The following NCOA3 variants were observed in gnomAD, a reference collection of about 807,000 sequenced individuals.
NCOA3 encodes CBP-interacting protein.
Under a neutral mutation model 158.8 loss-of-function variants are expected in NCOA3, and 51 were observed. That is an observed-to-expected ratio of 0.32 (90% CI 0.26 to 0.41). The LOEUF (loss-of-function observed/expected upper bound fraction) is 0.41. NCOA3 is among the 10% of genes least tolerant of loss of function. NCOA3 has a pLI of 1.00. For missense variants in NCOA3, 1,510 were observed against 1,746.6 expected (o/e 0.86, Z 2.41); for synonymous variants, 537 against 592.4 (o/e 0.91, Z 1.36).
intron 2 of NCOA3, among the ~76,000 whole-genome samples, chr20:47,588,847 C>G (rs994772114): frequency 6.6e-6 from 1 of 152,158 alleles, no homozygotes; most frequent in African/African-American, 2.4e-5. Flanking sequence ...CTTTCCCATT[C>G]ATTTATTTTA....
chr20:47,528,969 G>A (rs2425944), intron 1 of NCOA3, among the ~76,000 whole-genome samples: 2 of 151,972 alleles, frequency 1.3e-5, no homozygotes, highest in South Asian at 2.1e-4. Context: ...GTTTCTCCAC[G>A]TTGGTCAGGC....
At chr20:47,565,712 A>C (rs2085182248) in intron 1 of NCOA3, among the ~76,000 whole-genome samples, 1 of 152,056 alleles carries the variant, frequency 6.6e-6, no homozygotes, top group Non-Finnish European at 1.5e-5. Context: ...ACAGACTGAA[A>C]CCCTGTTCCA....
In NCOA3 at chr20:47,559,739, C is replaced by T. The variant is rs543352014; in HGVS notation, c.-98-23444C>T. ...CTACTAAAAATACAAAAAAATTAGC[C>T]TCCCAGGTTCCAGTGATTCTCCTGC... On this transcript the variant is annotated intron_variant, in intron 1 of 22. Coordinates refer to ENST00000371998, the MANE Select transcript of NCOA3 (RefSeq NM_181659.3). Among the ~76,000 whole-genome samples the T allele has an allele frequency of 3.9e-5, 6 of 152,192 alleles. No homozygotes were observed. The East Asian group carries it at 1.2e-3, about 30-fold the overall frequency.
intron 18 of NCOA3, among the ~76,000 whole-genome samples, chr20:47,647,918 TG>T (rs33930091): frequency 0.075 from 8,370 of 112,040 alleles, 884 homozygotes; most frequent in African/African-American, 0.25. Flanking sequence ...TGTTTTGTTT[TG>T]TTTTTTTTTT....
At chr20:47,603,747 A>G (rs924335968) in intron 2 of NCOA3, among the ~76,000 whole-genome samples, 6 of 151,744 alleles carry the variant, frequency 4.0e-5, no homozygotes, top group African/African-American at 1.5e-4. Context: ...CCTCAGCCGA[A>G]CTCCTCTTGG....
intron 1 of NCOA3, among the ~76,000 whole-genome samples, chr20:47,549,935 G>A (rs529414086): frequency 6.6e-6 from 1 of 152,110 alleles, no homozygotes; most frequent in East Asian, 1.9e-4. Context: ...AAACTCCTGA[G>A]CTCAAGCAGT....
chr20:47,526,267 A>G (rs912368888), intron 1 of NCOA3, among the ~76,000 whole-genome samples: 16 of 150,306 alleles, frequency 1.1e-4, no homozygotes, highest in African/African-American at 3.9e-4. Flanking sequence ...GACGCTCCTC[A>G]CTTTCCAGAC....
chr20:47,651,962 G>A (rs560834011), intron 20 of NCOA3, among the ~76,000 whole-genome samples: 1 of 152,060 alleles, frequency 6.6e-6, no homozygotes, highest in South Asian at 2.1e-4. Context: ...CACCGTGCCC[G>A]GCCCTGGATT....
rs2086343168 is a variant in NCOA3, at chr20:47,627,550, G to C, written c.533-11G>C. 6.3e-7 allele frequency: 1 copy of C among 1,585,450 alleles called. No homozygotes were observed. Among genetic ancestry groups the C allele is most frequent in the Non-Finnish European group, 8.6e-7 (1 of 1,167,180 alleles). ...GCTTTTTAAAATGTCATTTCAATTT[G>C]TTTTCCAAAGTTAATGGAGTTTCCT... On this transcript the variant is annotated splice_polypyrimidine_tract_variant and intron_variant, in intron 6 of 22. Coordinates refer to ENST00000371998, the MANE Select transcript of NCOA3 (RefSeq NM_181659.3).
intron 2 of NCOA3, among the ~76,000 whole-genome samples, chr20:47,597,498 T>G (rs1460657656): frequency 2.0e-5 from 3 of 149,864 alleles, no homozygotes; most frequent in Non-Finnish European, 3.0e-5. Context: ...TTTTTTTTTT[T>G]GGGAGGGGGA....
chr20:47,588,879 T>C (rs1237855815), intron 2 of NCOA3, among the ~76,000 whole-genome samples: 3 of 152,166 alleles, frequency 2.0e-5, no homozygotes, highest in African/African-American at 4.8e-5. Context: ...ATTTACAGAA[T>C]ATAAAATACA....
In NCOA3 at chr20:47,647,320, C is replaced by T. The variant is rs370656650; in HGVS notation, c.3500C>T (p.Pro1167Leu). The change falls in exon 18 of 23, where the codon CCC becomes CTC. Residue 1167 changes from proline to leucine, a missense_variant. Physicochemically the swap from Pro to Leu is moderately conservative, Grantham distance 98. Around this residue, in one of 4 missense-constraint regions of NCOA3, gnomAD observed 1,017 missense variants for 1,098.3 expected, o/e 0.93. Coordinates refer to ENST00000371998, the MANE Select transcript of NCOA3 (RefSeq NM_181659.3). Reference protein sequence around the residue: ...ANIMRPRTNTPKQLRMQLQQR... With the variant: ...ANIMRPRTNTLKQLRMQLQQR... ...ATCATGAGACCCCGGACAAACACCCCCAAGCAACTTAGAATGCAGCTTCAG... is the reference window on the plus strand; with the variant it reads ...ATCATGAGACCCCGGACAAACACCCTCAAGCAACTTAGAATGCAGCTTCAG... The T allele has an allele frequency of 6.8e-6, 11 of 1,614,082 alleles. No individual in the cohort carries two copies. The highest frequency in any genetic ancestry group is 1.3e-5 in the African/African-American group (1 of 74,928).
chr20:47,595,430 A>G (rs370124575), intron 2 of NCOA3, among the ~76,000 whole-genome samples: 1 of 152,178 alleles, frequency 6.6e-6, no homozygotes, highest in African/African-American at 2.4e-5. Flanking sequence ...AGATATCTAT[A>G]GGGATAGGTC....
At chr20:47,580,968 G>T (rs529594608) in intron 1 of NCOA3, among the ~76,000 whole-genome samples, 19 of 152,214 alleles carry the variant, frequency 1.2e-4, no homozygotes, top group African/African-American at 4.6e-4. Context: ...GGGTATGATG[G>T]TGTGTGCCTG....
chr20:47,610,473 G>A (rs1464500779), intron 2 of NCOA3, among the ~76,000 whole-genome samples: 11 of 152,168 alleles, frequency 7.2e-5, no homozygotes, highest in Admixed American at 7.2e-4. Context: ...TCTTGCCCCA[G>A]CCTCCCAAAG....
intron 9 of NCOA3, 50 bp downstream of exon 9, chr20:47,633,686 A>T: frequency 1.3e-6 from 2 of 1,575,068 alleles, no homozygotes; most frequent in South Asian, 2.3e-5. Context: ...CTTTAGAGAC[A>T]GGGCCTTGCT....
intron 12 of NCOA3, 38 bp from the exon 13 acceptor site, chr20:47,637,610 T>G (rs756075151): frequency 6.6e-7 from 1 of 1,525,286 alleles, no homozygotes; most frequent in Non-Finnish European, 8.9e-7. Context: ...GTGTGTCTGG[T>G]AATGTATACA....
At chr20:47,618,344 C>G (rs1408554244) in intron 2 of NCOA3, among the ~76,000 whole-genome samples, 1 of 136,606 alleles carries the variant, frequency 7.3e-6, no homozygotes, top group Non-Finnish European at 1.6e-5. Context: ...ATTATTTTCC[C>G]TTAGTTTTTT....
intron 10 of NCOA3, 105 bp from the exon 11 acceptor site, chr20:47,635,217 C>T: frequency 8.7e-7 from 1 of 1,154,110 alleles, no homozygotes; most frequent in South Asian, 1.7e-5. Flanking sequence ...GTGTTAGCCA[C>T]TGTAGCTGGC....
Sources: allele counts gnomAD v4.1 joint callset (sites outside exome capture counted in the v4.1 genomes callset), GRCh38; gene constraint gnomAD v4.1.1; regional missense constraint gnomAD v4.1.1; transcripts MANE v1.5; gene names NCBI Gene and HGNC (gene_info 2026-07-23, HGNC 2026-07-21).